Variants in MCM9 observed in about 807,000 individuals in gnomAD.
The protein encoded by MCM9 is DNA helicase MCM9.
A neutral mutation model predicts 72.8 loss-of-function variants in MCM9; 55 were observed. The ratio of observed to expected loss-of-function variants is 0.76; its 90% CI spans 0.61 to 0.95. The LOEUF (loss-of-function observed/expected upper bound fraction) is 0.95, where lower values mean the gene tolerates loss of function less well. MCM9 is among the 40% of genes least tolerant of loss of function. The probability of loss-of-function intolerance (pLI) is 0.00; values close to 1 mark genes in which losing one functional copy is unlikely to be tolerated. For missense variants in MCM9, 1,279 were observed against 1,377.0 expected (o/e 0.93, Z 1.13); for synonymous variants, 480 against 503.4 (o/e 0.95, Z 0.62).
intron 13 of MCM9, among the ~76,000 whole-genome samples, chr6:118,825,669 T>A (rs572114060): frequency 6.6e-6 from 1 of 152,348 alleles, no homozygotes; most frequent in African/African-American, 2.4e-5. Context: ...TTCGGGAGTA[T>A]GCGAACATTA....
chr6:118,918,407 G>T, intron 5 of MCM9: 1 of 152,306 alleles, frequency 6.6e-6, no homozygotes, highest in Non-Finnish European at 1.5e-5. Flanking sequence ...CCTTGCTGAT[G>T]GTTCTCTCCT....
chr6:118,910,731 C>G, intron 8 of MCM9: 2 of 985,398 alleles, frequency 2.0e-6, no homozygotes, highest in Non-Finnish European at 2.4e-6. Flanking sequence ...TTTGTCTACC[C>G]TTCTCAATTC....
intron 1 of MCM9, 85 bp downstream of exon 1, chr6:118,934,804 AGT>A (rs1782773306): frequency 6.6e-6 from 1 of 152,250 alleles, no homozygotes; most frequent in Non-Finnish European, 1.5e-5. Flanking sequence ...GGAGTTGAAT[AGT>A]TTTTGAAGTA....
At chr6:118,855,948 G>A (rs182557455) in intron 9 of MCM9, among the ~76,000 whole-genome samples, 9 of 152,264 alleles carry the variant, frequency 5.9e-5, no homozygotes, top group Admixed American at 5.9e-4. Context: ...TCCATATGCT[G>A]TAATCAACCT....
chr6:118,894,318 TGGAGCGG>T, intron 8 of MCM9: 1 of 1,510,232 alleles, frequency 6.6e-7, no homozygotes, highest in Non-Finnish European at 8.8e-7. Context: ...TGGCCGGCGC[TGGAGCGG>T]GGGTCTGCGC....
Position 118,900,903 on chromosome 6 carries a change from G to A in MCM9, c.1150+10747C>T, listed in dbSNP as rs751864929. The stretch of plus-strand genomic sequence containing the variant: ...TCAGGTAAGATTAATCTTGGTAAAT[G>A]TGTATGCCAAATATGTTTCGAAGTA... On this transcript the variant is annotated intron_variant, in intron 8 of 13. Coordinates refer to ENST00000619706, the MANE Select transcript of MCM9 (RefSeq NM_017696.3). The A allele has an allele frequency of 5.3e-5, 78 of 1,461,816 alleles. No individual in the cohort carries two copies. In the East Asian group the frequency reaches 5.9e-4, roughly 11 times the overall value. The allele number at this position is 1,461,816 out of a possible 1,614,324, so 90.6% of individuals were successfully genotyped here.
At chr6:118,829,495 C>T (rs926873370) in intron 9 of MCM9, among the ~76,000 whole-genome samples, 1 of 152,132 alleles carries the variant, frequency 6.6e-6, no homozygotes, top group African/African-American at 2.4e-5. Flanking sequence ...ATGAGGAGAC[C>T]CCTTTGCTAA....
At chr6:118,894,510 G>C (rs1779205619) in intron 8 of MCM9, 1 of 1,537,122 alleles carries the variant, frequency 6.5e-7, no homozygotes, top group East Asian at 2.4e-5. Context: ...GTGCATCGAG[G>C]ACCTGTCTGA....
At chr6:118,852,466 A>T (rs1776294605) in intron 9 of MCM9, among the ~76,000 whole-genome samples, 1 of 151,948 alleles carries the variant, frequency 6.6e-6, no homozygotes, top group Non-Finnish European at 1.5e-5. Flanking sequence ...GGAAGATGTC[A>T]CTCCAATTAA....
At chr6:118,837,097 A>G (rs1775014455) in intron 9 of MCM9, among the ~76,000 whole-genome samples, 1 of 152,190 alleles carries the variant, frequency 6.6e-6, no homozygotes, top group South Asian at 2.1e-4. Flanking sequence ...GGTTTCAAAG[A>G]ACTTATTTAT....
At chr6:118,885,497 A>C (rs1267951075) in intron 8 of MCM9, among the ~76,000 whole-genome samples, 1 of 152,206 alleles carries the variant, frequency 6.6e-6, no homozygotes, top group Non-Finnish European at 1.5e-5. Context: ...ATTATTATTG[A>C]CTTTACAGAA....
chr6:118,828,899 C>T, intron 10 of MCM9, 149 bp downstream of exon 10: 1 of 764,572 alleles, frequency 1.3e-6, no homozygotes, highest in Non-Finnish European at 2.0e-6. Flanking sequence ...GTAAGTGGCT[C>T]CTCTCACTGC....
chr6:118,917,865 A>G (rs1293562835), intron 5 of MCM9, 104 bp from the exon 6 acceptor site: 2 of 956,390 alleles, frequency 2.1e-6, no homozygotes, highest in East Asian at 4.9e-5. Context: ...CTCCCTTACT[A>G]GAGTTTACAA....
chr6:118,832,684 A>G (rs566058202), intron 9 of MCM9, among the ~76,000 whole-genome samples: 1 of 152,354 alleles, frequency 6.6e-6, no homozygotes, highest in South Asian at 2.1e-4. Context: ...TAACTGTTCT[A>G]CTAATAACTT....
At chr6:118,894,637 G>T (rs36193145) in intron 8 of MCM9, 203,911 of 902,806 alleles carry the variant, frequency 0.23, 25,587 homozygotes, top group Non-Finnish European at 0.26. Context: ...GCCGCGGGCT[G>T]CTCTGCGGAG....
At chr6:118,818,885 T>C (rs1773594194) in intron 13 of MCM9, among the ~76,000 whole-genome samples, 1 of 152,178 alleles carries the variant, frequency 6.6e-6, no homozygotes, top group Admixed American at 6.5e-5. Context: ...ATTTTCTTTG[T>C]AGCAATTGTG....
At position 118,853,741 on chromosome 6, in the gene MCM9, G is replaced by A. The variant is rs533455511; in HGVS notation, c.1325+2630C>T. Among the ~76,000 whole-genome samples the A allele has an allele frequency of 3.3e-5, 5 of 152,298 alleles. No homozygotes were observed. In the South Asian group the frequency reaches 1.0e-3, roughly 32 times the overall value. On this transcript the variant is annotated intron_variant, in intron 9 of 13. Transcript: ENST00000619706. Reference sequence around the variant, plus strand: ...TTGAGCCCAGGAGTTCAAGGCTGCAGTGAGCTATGATCGGGCCTCTGTACT... The same window carrying A: ...TTGAGCCCAGGAGTTCAAGGCTGCAATGAGCTATGATCGGGCCTCTGTACT...
At chr6:118,892,535 C>T (rs962072725) in intron 8 of MCM9, among the ~76,000 whole-genome samples, 8 of 152,204 alleles carry the variant, frequency 5.3e-5, no homozygotes, top group African/African-American at 1.9e-4. Flanking sequence ...ATACACCAGT[C>T]TCACAGGAGT....
At chr6:118,902,909 T>C (rs1779901822) in intron 8 of MCM9, among the ~76,000 whole-genome samples, 1 of 152,250 alleles carries the variant, frequency 6.6e-6, no homozygotes, top group African/African-American at 2.4e-5. Flanking sequence ...GTCTTTCTTC[T>C]GAGTGAGTCA....
Sources: gnomAD v4.1 joint callset for allele counts (sites outside exome capture counted in the v4.1 genomes callset) on GRCh38, gnomAD v4.1.1 for gene constraint, MANE v1.5 for transcripts, NCBI Gene and HGNC (gene_info 2026-07-23, HGNC 2026-07-21) for gene names.